KCNJ6: variants seen among roughly 807,000 people sequenced by gnomAD.
KCNJ6 encodes potassium inwardly rectifying channel subfamily J member 6, also known as G protein-activated inward rectifier potassium channel 2.
A neutral mutation model predicts 34.2 loss-of-function variants in KCNJ6; 9 were observed. The observed-to-expected ratio is 0.26, with a 90% CI of 0.16 to 0.46. The LOEUF (loss-of-function observed/expected upper bound fraction) is 0.46, where lower values mean the gene tolerates loss of function less well. Ranked by LOEUF, KCNJ6 falls within the 20% of genes least tolerant of loss-of-function variation. The probability of loss-of-function intolerance (pLI) is 1.00; values close to 1 mark genes in which losing one functional copy is unlikely to be tolerated. For synonymous variants in KCNJ6, 196 were observed against 207.1 expected (o/e 0.95, Z 0.46); for missense variants, 236 against 531.3 (o/e 0.44, Z 5.46).
chr21:37,853,145 T>C (rs1465812414), intron 1 of KCNJ6, among the ~76,000 whole-genome samples: 1 of 111,144 alleles, frequency 9.0e-6, no homozygotes, highest in African/African-American at 3.3e-5. Flanking sequence ...TTTTTCAAAT[T>C]AAAAAAAAAA....
chr21:37,629,188 A>G (rs2054323459), intron 3 of KCNJ6, among the ~76,000 whole-genome samples: 1 of 152,232 alleles, frequency 6.6e-6, no homozygotes, highest in Non-Finnish European at 1.5e-5. Context: ...ATAGGTAAAT[A>G]TAAATGTTTT....
chr21:37,656,643 G>A (rs950207568), intron 3 of KCNJ6, among the ~76,000 whole-genome samples: 2 of 152,218 alleles, frequency 1.3e-5, no homozygotes, highest in African/African-American at 4.8e-5. Context: ...ACACAAGGGC[G>A]ATTCTTATCT....
At chr21:37,652,568 G>T (rs538497764) in intron 3 of KCNJ6, among the ~76,000 whole-genome samples, 5 of 152,256 alleles carry the variant, frequency 3.3e-5, no homozygotes, top group Admixed American at 2.0e-4. Flanking sequence ...GAAGAGAGAG[G>T]TCAAATATTT....
intron 2 of KCNJ6, among the ~76,000 whole-genome samples, chr21:37,811,804 G>A (rs1482974676): frequency 6.6e-6 from 1 of 152,062 alleles, no homozygotes; most frequent in Admixed American, 6.6e-5. Flanking sequence ...AGAAAGCAAC[G>A]AATTCTGCAG....
intron 2 of KCNJ6, among the ~76,000 whole-genome samples, chr21:37,738,071 ACT>A (rs1450133220): frequency 6.6e-6 from 1 of 151,704 alleles, no homozygotes; most frequent in African/African-American, 2.4e-5. Flanking sequence ...TAATGCTCAC[ACT>A]CTTTTTTAAC....
At chr21:37,750,821 A>G (rs1435472751) in intron 2 of KCNJ6, among the ~76,000 whole-genome samples, 2 of 152,216 alleles carry the variant, frequency 1.3e-5, no homozygotes, top group African/African-American at 4.8e-5. Flanking sequence ...TGGCACATGT[A>G]TACCTATGTA....
chr21:37,827,542 G>A (rs935901883), intron 2 of KCNJ6, among the ~76,000 whole-genome samples: 1 of 150,572 alleles, frequency 6.6e-6, no homozygotes, highest in Non-Finnish European at 1.5e-5. Flanking sequence ...TTTTAACCTC[G>A]AGTCTTTAAA....
In KCNJ6 at chr21:37,624,639, A is replaced by G. The variant is rs1385635300; in HGVS notation, c.*520T>C. On this transcript the variant is annotated 3_prime_UTR_variant, in exon 4 of 4. Transcript: ENST00000609713. ...AATTACATAAGGCATATATATGTAC[A>G]GTGGTTTGTCTTCAGCTCACCTGGG... The G allele has an allele frequency of 6.2e-6, 1 of 161,146 alleles. No individual in the cohort carries two copies. Among genetic ancestry groups the G allele is most frequent in the Non-Finnish European group, 1.4e-5 (1 of 73,830 alleles). The allele number at this position is 161,146 out of a possible 1,614,324, so 10.0% of individuals were successfully genotyped here.
intron 2 of KCNJ6, among the ~76,000 whole-genome samples, chr21:37,721,675 C>CAAACATATG (rs1226389975): frequency 2.6e-5 from 4 of 152,136 alleles, no homozygotes; most frequent in African/African-American, 7.2e-5. Context: ...CACAAAAGGA[C>CAAACATATG]AAACATATGG....
intron 1 of KCNJ6, among the ~76,000 whole-genome samples, chr21:37,862,864 G>A (rs2055601679): frequency 6.6e-6 from 1 of 152,190 alleles, no homozygotes; most frequent in Admixed American, 6.5e-5. Context: ...GGAAAAAGCA[G>A]GACTGGCTCC....
chr21:37,687,789 C>T (rs778791781), intron 3 of KCNJ6, among the ~76,000 whole-genome samples: 5 of 152,174 alleles, frequency 3.3e-5, no homozygotes, highest in Non-Finnish European at 7.3e-5. Context: ...CAGCATCGGT[C>T]TTAGATGCTG....
chr21:37,809,266 A>G (rs1376940042), intron 2 of KCNJ6, among the ~76,000 whole-genome samples: 2 of 152,066 alleles, frequency 1.3e-5, no homozygotes, highest in Non-Finnish European at 2.9e-5. Flanking sequence ...TCAGCAAACT[A>G]TCGCAAGGAC....
chr21:37,854,299 A>G (rs1157495310), intron 1 of KCNJ6, among the ~76,000 whole-genome samples: 1 of 152,216 alleles, frequency 6.6e-6, no homozygotes, highest in South Asian at 2.1e-4. Context: ...TACACAAAGT[A>G]GACTGCAGAG....
intron 1 of KCNJ6, among the ~76,000 whole-genome samples, chr21:37,845,881 T>C (rs912105617): frequency 6.6e-6 from 1 of 152,164 alleles, no homozygotes; most frequent in Non-Finnish European, 1.5e-5. Context: ...GGCACACTGC[T>C]TGGAAGAGCT....
At chr21:37,754,207 A>G (rs1386296641) in intron 2 of KCNJ6, among the ~76,000 whole-genome samples, 1 of 152,182 alleles carries the variant, frequency 6.6e-6, no homozygotes, top group African/African-American at 2.4e-5. Context: ...GGGAAGCTGC[A>G]TCCCTGGTAT....
chr21:37,725,169 T>C (rs934424452), intron 2 of KCNJ6, among the ~76,000 whole-genome samples: 1 of 152,160 alleles, frequency 6.6e-6, no homozygotes, highest in Non-Finnish European at 1.5e-5. Flanking sequence ...AGAAGGAATA[T>C]GGATCATGAG....
chr21:37,619,169 A>T lies in KCNJ6; in HGVS notation c.*5990T>A, dbSNP rs1223244986. On this transcript the variant is annotated 3_prime_UTR_variant, in exon 4 of 4. Coordinates refer to ENST00000609713, the MANE Select transcript of KCNJ6 (RefSeq NM_002240.5). ...TCATCTGATTTCCAGGAAAGCACTCATAAGAGAACTTGATATGTTTTTCCA... is the reference window on the plus strand; with the variant it reads ...TCATCTGATTTCCAGGAAAGCACTCTTAAGAGAACTTGATATGTTTTTCCA... 6.6e-6 allele frequency: 1 copy of T among 152,200 alleles called. No individual in the cohort carries two copies. Among genetic ancestry groups the T allele is most frequent in the African/African-American group, 2.4e-5 (1 of 41,444 alleles). 9.4% of individuals were successfully genotyped at this position (152,200 alleles called of 1,614,324 possible).
rs948767622 is a variant in KCNJ6, at chr21:37,675,609, C to T, written c.946+38602G>A. Reference sequence around the variant, plus strand: ...TCGCCCTGCCCTGAGCGGAATTCTCCGGCCCCAGGAGAGGCCGTGTGGCCA... The same window carrying T: ...TCGCCCTGCCCTGAGCGGAATTCTCTGGCCCCAGGAGAGGCCGTGTGGCCA... On this transcript the variant is annotated intron_variant, in intron 3 of 3. Coordinates refer to ENST00000609713, the MANE Select transcript of KCNJ6 (RefSeq NM_002240.5). This position sits in a 1 kb window ranked among gnomAD's most constrained non-coding sequence, Gnocchi z 4.2. Among the ~76,000 whole-genome samples the T allele has an allele frequency of 2.0e-5, 3 of 152,248 alleles. No individual in the cohort carries two copies. The highest frequency in any genetic ancestry group is 4.8e-5 in the African/African-American group (2 of 41,476).
intron 1 of KCNJ6, among the ~76,000 whole-genome samples, chr21:37,864,582 A>G (rs1379771246): frequency 2.0e-5 from 3 of 152,214 alleles, no homozygotes; most frequent in Admixed American, 2.0e-4. Context: ...ATGATTAGGT[A>G]GCTTCAAATA....
Sources: allele counts gnomAD v4.1 joint callset (sites outside exome capture counted in the v4.1 genomes callset), GRCh38; gene constraint gnomAD v4.1.1; non-coding constraint Gnocchi (gnomAD v3.1); transcripts MANE v1.5; gene names NCBI Gene and HGNC (gene_info 2026-07-23, HGNC 2026-07-21).